The following DNER variants were observed in gnomAD, a reference collection of about 807,000 sequenced individuals.
The protein encoded by DNER is delta/notch like EGF repeat containing.
DNER carries 33 observed loss-of-function variants against 78.2 expected under a neutral mutation model. The observed-to-expected ratio is 0.42, with a 90% CI of 0.32 to 0.56. The LOEUF (loss-of-function observed/expected upper bound fraction) is 0.56. Among genes scored for constraint, DNER ranks in the 20% least tolerant of loss-of-function variants. The pLI is 0.11. For synonymous variants in DNER, 417 were observed against 384.8 expected (o/e 1.08, Z -0.98); for missense variants, 918 against 975.3 (o/e 0.94, Z 0.78).
At chr2:229,540,030 C>T in intron 5 of DNER, among the ~76,000 whole-genome samples, 1 of 152,124 alleles carries the variant, frequency 6.6e-6, no homozygotes, top group Middle Eastern at 3.4e-3. Flanking sequence ...GAAGGGAATG[C>T]AAAAAATAAT....
At chr2:229,661,743 G>A (rs753336849) in intron 1 of DNER, among the ~76,000 whole-genome samples, 11 of 152,132 alleles carry the variant, frequency 7.2e-5, no homozygotes, top group Non-Finnish European at 1.3e-4. Flanking sequence ...ATATGAACTC[G>A]CGGGAGTGGA....
At chr2:229,372,662 C>T (rs1692511898) in intron 11 of DNER, among the ~76,000 whole-genome samples, 1 of 152,134 alleles carries the variant, frequency 6.6e-6, no homozygotes, top group Admixed American at 6.5e-5. Context: ...CTGAGTGTTC[C>T]AATTTGCACT....
Position 229,404,714 on chromosome 2 carries a change from G to A in DNER, c.1723+2518C>T, listed in dbSNP as rs574187728. 7.9e-5 allele frequency among the ~76,000 whole-genome samples: 12 copies of A among 152,328 alleles called. No individual in the cohort carries two copies. In the South Asian group the frequency reaches 1.7e-3, roughly 21 times the overall value. On this transcript the variant is annotated intron_variant, in intron 10 of 12. Transcript: ENST00000341772. The stretch of plus-strand genomic sequence containing the variant: ...TGTCTCTGAGATTTTCAAGATATAT[G>A]TGGAGTAGATAGTTGGAGTTTTGCT...
chr2:229,570,396 G>A (rs1697193920), intron 4 of DNER, among the ~76,000 whole-genome samples: 1 of 152,172 alleles, frequency 6.6e-6, no homozygotes, highest in Non-Finnish European at 1.5e-5. Flanking sequence ...ACTTTGGGAG[G>A]TCAAGGCTGG....
At position 229,650,355 on chromosome 2, in the gene DNER, C is replaced by T. The variant is rs138148175; in HGVS notation, c.277-58467G>A. On this transcript the variant is annotated intron_variant, in intron 1 of 12. Transcript: ENST00000341772. ...ATATTAGAGGAGGGAGAACAAAAAA[C>T]GTATCCTGTACTGTACTCTACACTT... is the stretch of plus-strand genomic sequence containing the variant. 4.1e-3 allele frequency among the ~76,000 whole-genome samples: 631 copies of T among 152,254 alleles called. 3 individuals are homozygous for T. Among genetic ancestry groups the T allele is most frequent in the African/African-American group, 0.014 (596 of 41,534 alleles).
At chr2:229,542,349 T>G (rs1202905920) in intron 5 of DNER, among the ~76,000 whole-genome samples, 1 of 152,154 alleles carries the variant, frequency 6.6e-6, no homozygotes, top group Non-Finnish European at 1.5e-5. Context: ...TATAAAGACC[T>G]TCCCCCAAAT....
At chr2:229,697,357 G>A (rs1315120855) in intron 1 of DNER, among the ~76,000 whole-genome samples, 1 of 152,236 alleles carries the variant, frequency 6.6e-6, no homozygotes, top group East Asian at 1.9e-4. Flanking sequence ...AGGGAGGAAA[G>A]GGGAGCAACT....
intron 1 of DNER, among the ~76,000 whole-genome samples, chr2:229,691,295 A>G (rs1221385665): frequency 6.6e-6 from 1 of 152,182 alleles, no homozygotes; most frequent in Non-Finnish European, 1.5e-5. Context: ...TTGTATTTTA[A>G]GGAGAAGATT....
chr2:229,489,633 G>C (rs1015578149), intron 6 of DNER, among the ~76,000 whole-genome samples: 2 of 151,996 alleles, frequency 1.3e-5, no homozygotes, highest in Admixed American at 6.6e-5. Context: ...GGGCTAGAAG[G>C]GGTCTGGAAG....
intron 9 of DNER, among the ~76,000 whole-genome samples, chr2:229,408,695 A>G (rs1693442281): frequency 1.3e-5 from 2 of 152,172 alleles, no homozygotes; most frequent in South Asian, 4.1e-4. Flanking sequence ...TTATTTCTCA[A>G]TGCCTTAAGA....
At chr2:229,561,020 G>C (rs1292915031) in intron 4 of DNER, among the ~76,000 whole-genome samples, 1 of 152,096 alleles carries the variant, frequency 6.6e-6, no homozygotes, top group Non-Finnish European at 1.5e-5. Context: ...TTTGTAAAAA[G>C]GCTTTTAAAA....
At chr2:229,469,714 A>G (rs12621550) in intron 7 of DNER, among the ~76,000 whole-genome samples, 55,464 of 152,152 alleles carry the variant, frequency 0.36, 12,045 homozygotes, top group African/African-American at 0.61. Context: ...AGGCCAAGGC[A>G]GGCGGATCAC....
At position 229,591,942 on chromosome 2, in the gene DNER, A is replaced by G. The variant is rs1265225598; in HGVS notation, c.277-54T>C. Reference sequence around the variant, plus strand: ...ATTCCCTCATAAGAAAAGTGGTGCCATCGCTGGGAAATTAGCTCTGTGTCT... The same window carrying G: ...ATTCCCTCATAAGAAAAGTGGTGCCGTCGCTGGGAAATTAGCTCTGTGTCT... On this transcript the variant is annotated intron_variant, in intron 1 of 12. Coordinates refer to ENST00000341772, the MANE Select transcript of DNER (RefSeq NM_139072.4). The surrounding 1 kb of genome is among the most constrained non-coding windows in gnomAD (Gnocchi z 4.6). 8 of 1,450,312 alleles carry G rather than the reference A, an allele frequency of 5.5e-6. No individual in the cohort carries two copies. Among genetic ancestry groups the G allele is most frequent in the Non-Finnish European group, 6.3e-6 (7 of 1,105,664 alleles). 89.8% of individuals were successfully genotyped at this position (1,450,312 alleles called of 1,614,324 possible).
At chr2:229,519,233 T>C (rs1403799266) in intron 5 of DNER, among the ~76,000 whole-genome samples, 3 of 152,194 alleles carry the variant, frequency 2.0e-5, no homozygotes, top group Admixed American at 2.0e-4. Context: ...CTTTTCAATC[T>C]TATTCTCTGT....
chr2:229,367,171 T>A, intron 11 of DNER, 52 bp from the exon 12 acceptor site: 1 of 1,606,010 alleles, frequency 6.2e-7, no homozygotes, highest in East Asian at 2.2e-5. Context: ...CCTTTGAGAA[T>A]GAGAAGGCCT....
At chr2:229,432,386 G>A (rs970120847) in intron 8 of DNER, among the ~76,000 whole-genome samples, 2 of 152,016 alleles carry the variant, frequency 1.3e-5, no homozygotes, top group Non-Finnish European at 2.9e-5. Context: ...TGGGAGGGGG[G>A]AAAATCAAAG....
intron 6 of DNER, among the ~76,000 whole-genome samples, chr2:229,486,041 T>TG (rs1559145728): frequency 6.6e-6 from 1 of 152,124 alleles, no homozygotes; most frequent in Non-Finnish European, 1.5e-5. Flanking sequence ...GCTCTCACCC[T>TG]GGGGGGATCT....
At chr2:229,523,395 G>A (rs944983062) in intron 5 of DNER, among the ~76,000 whole-genome samples, 6 of 152,186 alleles carry the variant, frequency 3.9e-5, no homozygotes, top group African/African-American at 1.4e-4. Context: ...GACAGTGTCG[G>A]CAGAGCTGGT....
At chr2:229,560,112 C>T (rs1265627383) in intron 4 of DNER, among the ~76,000 whole-genome samples, 1 of 152,216 alleles carries the variant, frequency 6.6e-6, no homozygotes, top group Admixed American at 6.5e-5. Flanking sequence ...AGGCCATTAA[C>T]TGTTTGTTTT....
Sources: allele counts gnomAD v4.1 joint callset (sites outside exome capture counted in the v4.1 genomes callset), GRCh38; gene constraint gnomAD v4.1.1; non-coding constraint Gnocchi (gnomAD v3.1); transcripts MANE v1.5; gene names NCBI Gene and HGNC (gene_info 2026-07-23, HGNC 2026-07-21).